The following PDE10A variants were observed in gnomAD, a reference collection of about 807,000 sequenced individuals.
PDE10A encodes the protein cAMP and cAMP-inhibited cGMP 3',5'-cyclic phosphodiesterase 10A.
In PDE10A, 39 loss-of-function variants were observed where a neutral mutation model predicts 97.7. That is an observed-to-expected ratio of 0.40 (90% CI 0.31 to 0.52). The LOEUF is 0.52. PDE10A is among the 20% of genes least tolerant of loss of function. The pLI is 0.56. For synonymous variants in PDE10A, 371 were observed against 376.8 expected (o/e 0.98, Z 0.18); for missense variants, 731 against 1,047.8 (o/e 0.70, Z 4.17).
intron 1 of PDE10A, among the ~76,000 whole-genome samples, chr6:165,634,973 C>A (rs138421435): frequency 6.6e-6 from 1 of 152,192 alleles, no homozygotes; most frequent in Non-Finnish European, 1.5e-5. Flanking sequence ...TAGCGACCAT[C>A]GCTCTATGTT....
At chr6:165,555,555 G>A (rs541202442) in intron 1 of PDE10A, among the ~76,000 whole-genome samples, 14 of 152,240 alleles carry the variant, frequency 9.2e-5, no homozygotes, top group African/African-American at 2.6e-4. Context: ...ATGCCTTCCT[G>A]TTAGAAAAGA....
intron 1 of PDE10A, among the ~76,000 whole-genome samples, chr6:165,571,325 G>C (rs140609481): frequency 3.2e-4 from 48 of 152,228 alleles, no homozygotes; most frequent in African/African-American, 1.1e-3. Flanking sequence ...AAATACTGGA[G>C]AAGCAAACAC....
chr6:165,688,742 C>G (rs10946095), intron 1 of PDE10A, among the ~76,000 whole-genome samples: 112,449 of 152,138 alleles, frequency 0.74, 43,078 homozygotes, highest in Non-Finnish European at 0.85. Context: ...TATAGCCAAA[C>G]TTTATAGGCA....
At chr6:165,524,604 G>A (rs1019913753) in intron 2 of PDE10A, among the ~76,000 whole-genome samples, 1 of 152,124 alleles carries the variant, frequency 6.6e-6, no homozygotes, top group African/African-American at 2.4e-5. Flanking sequence ...GATGAACCCA[G>A]GGATTCTGTC....
chr6:165,943,035 G>T (rs2128493036), intron 1 of PDE10A, among the ~76,000 whole-genome samples: 1 of 151,410 alleles, frequency 6.6e-6, no homozygotes, highest in East Asian at 1.9e-4. Flanking sequence ...CCACCCATAG[G>T]ATTTTAGATA....
rs566625406 is a variant in PDE10A, at chr6:165,738,936, G to A, written c.-614-195368C>T. ...AATATTCAGAAATATATTTAACCAC[G>A]GAGGTGAAAAATCTGTGCAGTGAAA... On this transcript the variant is annotated intron_variant, in intron 1 of 19. Coordinates refer to the PDE10A transcript ENST00000366882. Among the ~76,000 whole-genome samples the A allele has an allele frequency of 2.5e-4, 38 of 152,242 alleles. 1 individual carries two copies. The highest frequency in any genetic ancestry group is 2.6e-4 in the Admixed American group (4 of 15,302).
At chr6:165,834,212 C>G (rs1234165924) in intron 1 of PDE10A, among the ~76,000 whole-genome samples, 1 of 152,200 alleles carries the variant, frequency 6.6e-6, no homozygotes, top group East Asian at 1.9e-4. Context: ...GGGCCAGGTA[C>G]CCAGGTGACA....
At chr6:165,952,273 T>TC (rs1387484736) in intron 1 of PDE10A, among the ~76,000 whole-genome samples, 6 of 152,312 alleles carry the variant, frequency 3.9e-5, no homozygotes, top group African/African-American at 1.4e-4. Context: ...CTTTCTTCAC[T>TC]CCCCAACTTT....
chr6:165,671,832 A>C lies in PDE10A; in HGVS notation c.-614-128264T>G, dbSNP rs1179045129. 6.6e-6 allele frequency among the ~76,000 whole-genome samples: 1 copy of C among 152,206 alleles called. No homozygotes were observed. The highest frequency in any genetic ancestry group is 1.5e-5 in the Non-Finnish European group (1 of 68,028). On this transcript the variant is annotated intron_variant, in intron 1 of 19. Transcript: ENST00000366882. This position sits in a 1 kb window ranked among gnomAD's most constrained non-coding sequence, Gnocchi z 4.6. ...GTATTCACAGATTTCTGTATTTCTT[A>C]AAGGGAGATCATTTTATAGGGGCAT... is the stretch of plus-strand genomic sequence containing the variant.
At chr6:165,370,068 T>C (rs1259767692) in intron 18 of PDE10A, among the ~76,000 whole-genome samples, 3 of 151,408 alleles carry the variant, frequency 2.0e-5, no homozygotes, top group Non-Finnish European at 2.9e-5. Flanking sequence ...TTACAAGAGC[T>C]CCTGAAGGAA....
chr6:165,691,203 C>CACA (rs1562687327), intron 1 of PDE10A, among the ~76,000 whole-genome samples: 13,137 of 108,514 alleles, frequency 0.12, 1,181 homozygotes, highest in East Asian at 0.19. Context: ...CTCTCTCTCC[C>CACA]CACACACACA....
chr6:165,482,185 T>C (rs1474377426), intron 3 of PDE10A, 130 bp downstream of exon 3: 7 of 739,484 alleles, frequency 9.5e-6, no homozygotes, highest in South Asian at 1.5e-5. Flanking sequence ...TAATGAGTGA[T>C]ACTTTGGAGA....
intron 1 of PDE10A, among the ~76,000 whole-genome samples, chr6:165,838,329 T>A (rs1486197319): frequency 6.6e-6 from 1 of 152,228 alleles, no homozygotes; most frequent in Non-Finnish European, 1.5e-5. Context: ...TTCTAAGATT[T>A]TTTTGACCTT....
chr6:165,892,601 T>A (rs899165990), intron 1 of PDE10A, among the ~76,000 whole-genome samples: 2 of 152,204 alleles, frequency 1.3e-5, no homozygotes, highest in Non-Finnish European at 2.9e-5. Context: ...TTGTCCCTTC[T>A]GCAGGGCTTA....
intron 1 of PDE10A, among the ~76,000 whole-genome samples, chr6:165,968,045 G>T (rs1784562075): frequency 6.6e-6 from 1 of 152,234 alleles, no homozygotes; most frequent in South Asian, 2.1e-4. Context: ...GACAATGTGG[G>T]TGAAAGACAC....
At chr6:165,383,899 T>TG (rs531278332) in intron 17 of PDE10A, among the ~76,000 whole-genome samples, 89 of 151,596 alleles carry the variant, frequency 5.9e-4, no homozygotes, top group African/African-American at 2.0e-3. Flanking sequence ...CATGCCTGAG[T>TG]GGGGGGCCAC....
intron 6 of PDE10A, among the ~76,000 whole-genome samples, chr6:165,434,266 C>CCTTCCTTCCCTTCTGTCCTTCTATCT (rs141615009): frequency 0.09 from 13,571 of 151,050 alleles, 704 homozygotes; most frequent in East Asian, 0.19. Flanking sequence ...TCCCTTCCTC[C>CCTTCCTTCCCTTCTGTCCTTCTATCT]CTTCCTTCCC....
chr6:165,920,568 A>ACACT (rs1351425814), intron 1 of PDE10A, among the ~76,000 whole-genome samples: 2 of 151,834 alleles, frequency 1.3e-5, no homozygotes, highest in African/African-American at 4.8e-5. Context: ...ACACACACAC[A>ACACT]CTTACACATA....
At chr6:165,980,879 T>C (rs962880620) in intron 1 of PDE10A, among the ~76,000 whole-genome samples, 14 of 152,222 alleles carry the variant, frequency 9.2e-5, no homozygotes, top group Non-Finnish European at 4.4e-5. Context: ...AAGAATTTCA[T>C]GTCACGGTTG....
Sources: allele counts gnomAD v4.1 joint callset (sites outside exome capture counted in the v4.1 genomes callset), GRCh38; gene constraint gnomAD v4.1.1; non-coding constraint Gnocchi (gnomAD v3.1); transcripts MANE v1.5; gene names NCBI Gene and HGNC (gene_info 2026-07-23, HGNC 2026-07-21).